ADAMTS9: variants seen among roughly 807,000 people sequenced by gnomAD.
The protein encoded by ADAMTS9 is ADAM metallopeptidase with thrombospondin type 1 motif 9, also known as A disintegrin and metalloproteinase with thrombospondin motifs 9.
A neutral mutation model predicts 257.1 loss-of-function variants in ADAMTS9; 107 were observed. The ratio of observed to expected loss-of-function variants is 0.42; its 90% CI spans 0.36 to 0.49. The LOEUF (loss-of-function observed/expected upper bound fraction) is 0.49, where lower values mean the gene tolerates loss of function less well. ADAMTS9 is among the 20% of genes least tolerant of loss of function. The pLI is 0.03. For missense variants in ADAMTS9, 2,353 were observed against 2,469.1 expected (o/e 0.95, Z 1.00); for synonymous variants, 982 against 880.9 (o/e 1.11, Z -2.03).
intron 38 of ADAMTS9, among the ~76,000 whole-genome samples, chr3:64,526,627 C>A (rs2082913726): frequency 6.6e-6 from 1 of 152,164 alleles, no homozygotes; most frequent in African/African-American, 2.4e-5. Context: ...TCTTCTGTAT[C>A]ATCAAAACTT....
At chr3:64,647,633 A>G (rs958399636) in intron 11 of ADAMTS9, among the ~76,000 whole-genome samples, 16 of 152,236 alleles carry the variant, frequency 1.1e-4, no homozygotes, top group African/African-American at 3.9e-4. Context: ...ACAATCTCGC[A>G]TTAAATGTTC....
chr3:64,539,435 T>C (rs1217926651), intron 36 of ADAMTS9, 141 bp from the exon 37 acceptor site: 3 of 721,262 alleles, frequency 4.2e-6, no homozygotes, highest in Non-Finnish European at 2.4e-6. Context: ...TGTGAAATAT[T>C]AGTGGGTAAA....
At chr3:64,605,782 A>T (rs1201527114) in intron 23 of ADAMTS9, among the ~76,000 whole-genome samples, 1 of 152,260 alleles carries the variant, frequency 6.6e-6, no homozygotes, top group African/African-American at 2.4e-5. Context: ...ACACAAACAC[A>T]CACATATTAC....
At position 64,561,415 on chromosome 3, in the gene ADAMTS9, T is replaced by G. The variant is rs192232164; in HGVS notation, c.4698+163A>C. 3 of 630,014 alleles carry G rather than the reference T, an allele frequency of 4.8e-6. No individual in the cohort carries two copies. The African/African-American group carries it at 5.6e-5, about 12-fold the overall frequency. 39.0% of individuals were successfully genotyped at this position (630,014 alleles called of 1,614,324 possible). A position where few individuals can be genotyped will look rare whatever the true frequency, so the allele number is the denominator to read the frequency against. ...TTAAAAACAAGAAGTTCTCCCACCCTTGTTGGAGCGAATGCGCGAGTCTGA... is the reference window on the plus strand; with the variant it reads ...TTAAAAACAAGAAGTTCTCCCACCCGTGTTGGAGCGAATGCGCGAGTCTGA... On this transcript the variant is annotated intron_variant, in intron 30 of 39. Coordinates refer to ENST00000498707, the MANE Select transcript of ADAMTS9 (RefSeq NM_182920.2).
At chr3:64,563,610 T>C (rs1388460356) in intron 29 of ADAMTS9, among the ~76,000 whole-genome samples, 1 of 152,232 alleles carries the variant, frequency 6.6e-6, no homozygotes, top group Admixed American at 6.5e-5. Context: ...GGCACGGTAC[T>C]AAGAGCCATA....
chr3:64,538,597 G>A (rs141362959), intron 37 of ADAMTS9, among the ~76,000 whole-genome samples: 237 of 151,894 alleles, frequency 1.6e-3, no homozygotes, highest in African/African-American at 5.5e-3. Context: ...GTAGTGTTTT[G>A]CATCTTGTTT....
intron 30 of ADAMTS9, among the ~76,000 whole-genome samples, chr3:64,556,108 G>A (rs2083329308): frequency 6.6e-6 from 1 of 152,102 alleles, no homozygotes; most frequent in Non-Finnish European, 1.5e-5. Context: ...AGATGCACTT[G>A]GAAATCATTC....
At position 64,541,946 on chromosome 3, in the gene ADAMTS9, C is replaced by T. The variant is rs2083129528; in HGVS notation, c.5089G>A (p.Val1697Met). 6.2e-7 allele frequency: 1 copy of T among 1,614,010 alleles called. No homozygotes were observed. The highest frequency in any genetic ancestry group is 1.3e-5 in the African/African-American group (1 of 74,914). ...GSCSVSCGVGVMQRSVQCLTN... is the reference protein window; with the variant it reads ...GSCSVSCGVGMMQRSVQCLTN... ...AAACATTGCACAGATCTCTGCATCA[C>T]TCCAACACCACAAGACACTGAGCAC... Residue 1697 changes from valine to methionine, a missense_variant, in exon 33 of 40, where the codon GTG (valine) becomes ATG (methionine). Physicochemically the swap from Val to Met is conservative, Grantham distance 21. This residue lies in a region of ADAMTS9 where 1,402 missense variants were observed against 1,441.4 expected (regional missense o/e 0.97). Transcript: ENST00000498707.
intron 3 of ADAMTS9, among the ~76,000 whole-genome samples, chr3:64,680,212 A>C (rs1328651875): frequency 6.6e-6 from 1 of 152,194 alleles, no homozygotes; most frequent in Non-Finnish European, 1.5e-5. Context: ...TCCTCTGGGG[A>C]GCATTTGAGG....
At chr3:64,532,729 T>C (rs531411635) in intron 38 of ADAMTS9, among the ~76,000 whole-genome samples, 30 of 152,310 alleles carry the variant, frequency 2.0e-4, no homozygotes, top group Non-Finnish European at 3.8e-4. Flanking sequence ...TCTCCAGATA[T>C]ATCGCTTAAT....
At chr3:64,572,226 G>A (rs1018350074) in intron 28 of ADAMTS9, among the ~76,000 whole-genome samples, 2 of 152,148 alleles carry the variant, frequency 1.3e-5, no homozygotes, top group Non-Finnish European at 2.9e-5. Context: ...GGGTATTCAG[G>A]CTTTTGTTTC....
At chr3:64,578,760 T>C (rs927550804) in intron 28 of ADAMTS9, among the ~76,000 whole-genome samples, 2 of 152,196 alleles carry the variant, frequency 1.3e-5, no homozygotes, top group Admixed American at 6.5e-5. Flanking sequence ...GTCCAGTCCA[T>C]AAAACGGGAG....
At chr3:64,623,042 T>C (rs1700145363) in intron 16 of ADAMTS9, among the ~76,000 whole-genome samples, 1 of 152,210 alleles carries the variant, frequency 6.6e-6, no homozygotes, top group East Asian at 1.9e-4. Flanking sequence ...TAAGTCTTTT[T>C]TGTTTGACAG....
intron 4 of ADAMTS9, 142 bp from the exon 5 acceptor site, chr3:64,656,017 A>C (rs942559137): frequency 2.2e-5 from 12 of 557,172 alleles, no homozygotes; most frequent in Non-Finnish European, 3.8e-5. Flanking sequence ...TCATTCACTC[A>C]ACAACACTTT....
chr3:64,593,656 C>T (rs1461537614), intron 28 of ADAMTS9, among the ~76,000 whole-genome samples: 2 of 152,208 alleles, frequency 1.3e-5, no homozygotes, highest in African/African-American at 4.8e-5. Context: ...AAACGGGCTT[C>T]CTATCTCTGT....
intron 4 of ADAMTS9, among the ~76,000 whole-genome samples, chr3:64,657,436 A>C (rs986533721): frequency 6.6e-6 from 1 of 152,072 alleles, no homozygotes; most frequent in African/African-American, 2.4e-5. Context: ...TCCTGGGCTC[A>C]AGAGATTCTC....
At chr3:64,603,705 AT>A (rs942619127) in intron 25 of ADAMTS9, among the ~76,000 whole-genome samples, 20 of 152,198 alleles carry the variant, frequency 1.3e-4, no homozygotes, top group African/African-American at 4.6e-4. Context: ...CGATTTATCC[AT>A]TTTTTGAAAT....
intron 38 of ADAMTS9, among the ~76,000 whole-genome samples, chr3:64,531,787 A>G (rs1456822166): frequency 6.6e-6 from 1 of 152,132 alleles, no homozygotes; most frequent in Non-Finnish European, 1.5e-5. Flanking sequence ...ATAAAACCCT[A>G]CTTTCCCAGC....
intron 16 of ADAMTS9, among the ~76,000 whole-genome samples, chr3:64,624,357 G>C (rs947543469): frequency 2.0e-5 from 3 of 152,088 alleles, no homozygotes; most frequent in Admixed American, 6.5e-5. Flanking sequence ...ATGGGTGATA[G>C]ATACATTAAT....
Sources: allele counts gnomAD v4.1 joint callset (sites outside exome capture counted in the v4.1 genomes callset), GRCh38; gene constraint gnomAD v4.1.1; regional missense constraint gnomAD v4.1.1; transcripts MANE v1.5; gene names NCBI Gene and HGNC (gene_info 2026-07-23, HGNC 2026-07-21).